Variants in PPFIA2 observed in about 807,000 individuals in gnomAD.
PPFIA2 encodes PPFI scaffold protein A2, also known as liprin-alpha-2.
PPFIA2 carries 46 observed loss-of-function variants against 175.5 expected under a neutral mutation model. That is an observed-to-expected ratio of 0.26 (90% CI 0.21 to 0.34). The LOEUF is 0.34. Ranked by LOEUF, PPFIA2 falls within the 10% of genes least tolerant of loss-of-function variation. The probability of loss-of-function intolerance (pLI) is 1.00; values close to 1 mark genes in which losing one functional copy is unlikely to be tolerated. For synonymous variants in PPFIA2, 568 were observed against 511.4 expected (o/e 1.11, Z -1.49); for missense variants, 1,179 against 1,506.1 (o/e 0.78, Z 3.60).
At chr12:81,480,588 G>A (rs1055739320) in intron 4 of PPFIA2, among the ~76,000 whole-genome samples, 2 of 152,106 alleles carry the variant, frequency 1.3e-5, no homozygotes, top group Admixed American at 1.3e-4. Context: ...TTCGGATGGG[G>A]TTTCTGTGTG....
At chr12:81,518,778 A>G (rs765622512) in intron 4 of PPFIA2, among the ~76,000 whole-genome samples, 4 of 152,092 alleles carry the variant, frequency 2.6e-5, no homozygotes, top group Non-Finnish European at 4.4e-5. Flanking sequence ...TCTTCTGTTT[A>G]TTGCTATTGT....
chr12:81,463,068 A>G (rs1332580499), intron 4 of PPFIA2, among the ~76,000 whole-genome samples: 1 of 152,136 alleles, frequency 6.6e-6, no homozygotes, highest in Non-Finnish European at 1.5e-5. Flanking sequence ...AAAGGAATTC[A>G]CTGGGAACAA....
At chr12:81,308,198 A>G (rs1332771774) in intron 22 of PPFIA2, among the ~76,000 whole-genome samples, 1 of 152,222 alleles carries the variant, frequency 6.6e-6, no homozygotes, top group Non-Finnish European at 1.5e-5. Context: ...ATATTCTTAT[A>G]AGATGAAATA....
chr12:81,679,296 A>C (rs887250662), intron 3 of PPFIA2, among the ~76,000 whole-genome samples: 1 of 151,928 alleles, frequency 6.6e-6, no homozygotes, highest in Non-Finnish European at 1.5e-5. Context: ...TACCAAGTGC[A>C]TTTGGAGTTA....
At chr12:81,329,838 A>G (rs553572346) in intron 21 of PPFIA2, among the ~76,000 whole-genome samples, 8 of 152,148 alleles carry the variant, frequency 5.3e-5, no homozygotes, top group Admixed American at 1.3e-4. Context: ...AACTGAGAAC[A>G]TTTCGATGCT....
At chr12:81,404,579 A>C (rs1343965365) in intron 8 of PPFIA2, among the ~76,000 whole-genome samples, 1 of 152,210 alleles carries the variant, frequency 6.6e-6, no homozygotes, top group Non-Finnish European at 1.5e-5. Flanking sequence ...AGCTAATGAA[A>C]TACGTCAAAT....
At chr12:81,443,918 G>C (rs1160477408) in intron 6 of PPFIA2, among the ~76,000 whole-genome samples, 2 of 132,094 alleles carry the variant, frequency 1.5e-5, no homozygotes, top group Non-Finnish European at 3.1e-5. Flanking sequence ...GCAGTGGCGC[G>C]ATCTGGGCTC....
At chr12:81,560,417 C>T (rs1173495004) in intron 4 of PPFIA2, among the ~76,000 whole-genome samples, 1 of 151,992 alleles carries the variant, frequency 6.6e-6, no homozygotes, top group African/African-American at 2.4e-5. Flanking sequence ...CTTACATGAC[C>T]TCACCATCTG....
chr12:81,598,964 A>T (rs1434942479), intron 4 of PPFIA2, among the ~76,000 whole-genome samples: 2 of 151,968 alleles, frequency 1.3e-5, no homozygotes, highest in African/African-American at 4.8e-5. Flanking sequence ...ACACACAAGA[A>T]TTAATAAAAA....
chr12:81,283,380 T>C (rs2042531292), intron 25 of PPFIA2, among the ~76,000 whole-genome samples: 2 of 152,032 alleles, frequency 1.3e-5, no homozygotes, highest in Middle Eastern at 3.2e-3. Flanking sequence ...GACAAATATA[T>C]ATATGTATAT....
intron 4 of PPFIA2, among the ~76,000 whole-genome samples, chr12:81,585,663 C>G (rs1301773448): frequency 1.3e-5 from 2 of 151,770 alleles, no homozygotes; most frequent in African/African-American, 4.8e-5. Context: ...GCTGTCACCA[C>G]CTATGATAAT....
intron 27 of PPFIA2, among the ~76,000 whole-genome samples, chr12:81,278,155 T>C (rs1291703710): frequency 6.6e-6 from 1 of 152,182 alleles, no homozygotes; most frequent in African/African-American, 2.4e-5. Context: ...AAAGGGCATA[T>C]TAAGGAAAGC....
At chr12:81,389,107 T>C (rs1412318105) in intron 8 of PPFIA2, among the ~76,000 whole-genome samples, 1 of 148,260 alleles carries the variant, frequency 6.7e-6, no homozygotes, top group Non-Finnish European at 1.5e-5. Flanking sequence ...ATGATGTTTT[T>C]GAATTTTATT....
chr12:81,460,284 A>T (rs2054297803), intron 4 of PPFIA2, among the ~76,000 whole-genome samples: 4 of 152,044 alleles, frequency 2.6e-5, no homozygotes, highest in Admixed American at 2.6e-4. Context: ...AACCGCTTTC[A>T]TTTGGTCCTC....
intron 7 of PPFIA2, among the ~76,000 whole-genome samples, chr12:81,437,134 C>T (rs1156962082): frequency 6.6e-6 from 1 of 152,108 alleles, no homozygotes; most frequent in Non-Finnish European, 1.5e-5. Flanking sequence ...TTCCAGAAAA[C>T]AGTCGTAAAT....
chr12:81,595,267 A>G (rs1239377324), intron 4 of PPFIA2, among the ~76,000 whole-genome samples: 1 of 121,422 alleles, frequency 8.2e-6, no homozygotes, highest in Admixed American at 8.4e-5. Flanking sequence ...TTAAACAAAC[A>G]TATATATATA....
chr12:81,367,158 G>A lies in PPFIA2; in HGVS notation c.1495C>T (p.Gln499Ter). 1 of 1,401,722 alleles carries A rather than the reference G, an allele frequency of 7.1e-7. No individual in the cohort carries two copies. Among genetic ancestry groups the A allele is most frequent in the South Asian group, 1.6e-5 (1 of 60,648 alleles). The allele number at this position is 1,401,722 out of a possible 1,614,324, so 86.8% of individuals were successfully genotyped here. A position where few individuals can be genotyped will look rare whatever the true frequency, so the allele number is the denominator to read the frequency against. ...TTCTTTCTGAAAGTTTCTGATTCTT[G>A]AATTAAAACATTCTAAAGAAAAGAA... ...AALEEKNVLI[Q>*]ESETFRKNLE... The change falls in exon 14 of 33, where the codon CAA becomes TAA. Residue 499 changes from glutamine (Q) to a stop codon, truncating the protein, a stop_gained. Coordinates refer to ENST00000549396, the MANE Select transcript of PPFIA2 (RefSeq NM_003625.5). LOFTEE classifies it high-confidence loss of function.
At chr12:81,493,629 A>T (rs933724556) in intron 4 of PPFIA2, among the ~76,000 whole-genome samples, 4 of 151,670 alleles carry the variant, frequency 2.6e-5, no homozygotes, top group Admixed American at 6.6e-5. Flanking sequence ...AAAATTGGAG[A>T]TAATGGGCAT....
intron 4 of PPFIA2, among the ~76,000 whole-genome samples, chr12:81,475,649 C>T (rs2057374702): frequency 6.6e-6 from 1 of 152,132 alleles, no homozygotes; most frequent in Non-Finnish European, 1.5e-5. Context: ...TTTCCTTCTG[C>T]TAGGCACTAT....
Sources: allele counts gnomAD v4.1 joint callset (sites outside exome capture counted in the v4.1 genomes callset), GRCh38; gene constraint gnomAD v4.1.1; transcripts MANE v1.5; gene names NCBI Gene and HGNC (gene_info 2026-07-23, HGNC 2026-07-21).